CSRNP3: variants seen among roughly 807,000 people sequenced by gnomAD.
CSRNP3 encodes the protein cysteine/serine-rich nuclear protein 3.
Under a neutral mutation model 48.0 loss-of-function variants are expected in CSRNP3, and 12 were observed. The observed-to-expected ratio is 0.25, with a 90% CI of 0.16 to 0.41. The LOEUF (loss-of-function observed/expected upper bound fraction) is 0.41. CSRNP3 is among the 10% of genes least tolerant of loss of function. The pLI is 1.00. For missense variants in CSRNP3, 580 were observed against 724.4 expected, an observed-to-expected ratio of 0.80 and a Z score of 2.29; for synonymous variants, 263 against 269.7, an observed-to-expected ratio of 0.98 and a Z score of 0.24.
chr2:165,549,877 T>A (rs1685076180), intron 3 of CSRNP3, among the ~76,000 whole-genome samples: 1 of 152,188 alleles, frequency 6.6e-6, no homozygotes, highest in African/African-American at 2.4e-5. Flanking sequence ...ATCATCAAAA[T>A]GACCTTGAGA....
intron 1 of CSRNP3, among the ~76,000 whole-genome samples, chr2:165,481,460 G>A (rs1220307469): frequency 1.3e-5 from 2 of 152,212 alleles, no homozygotes; most frequent in South Asian, 2.1e-4. Flanking sequence ...GGGAGGCAAC[G>A]TGCCCTGACA....
chr2:165,634,828 A>C (rs1342227504), intron 4 of CSRNP3, among the ~76,000 whole-genome samples: 1 of 152,242 alleles, frequency 6.6e-6, no homozygotes, highest in African/African-American at 2.4e-5. Context: ...GAGGAAAGTC[A>C]TTCTCACACT....
At chr2:165,664,985 G>A (rs1280878738) in intron 5 of CSRNP3, among the ~76,000 whole-genome samples, 1 of 152,178 alleles carries the variant, frequency 6.6e-6, no homozygotes, top group Non-Finnish European at 1.5e-5. Context: ...GCTAGACATG[G>A]CCTGTAGAGA....
chr2:165,658,662 G>A (rs898881532), intron 5 of CSRNP3, among the ~76,000 whole-genome samples: 2 of 152,140 alleles, frequency 1.3e-5, no homozygotes, highest in African/African-American at 4.8e-5. Flanking sequence ...CATATGGCTG[G>A]AGAGGCCTCA....
intron 4 of CSRNP3, among the ~76,000 whole-genome samples, chr2:165,623,674 A>C (rs2105320237): frequency 6.6e-6 from 1 of 152,326 alleles, no homozygotes; most frequent in African/African-American, 2.4e-5. Flanking sequence ...CTTTTGTGCT[A>C]TATTTACATA....
intron 2 of CSRNP3, among the ~76,000 whole-genome samples, chr2:165,500,141 G>A (rs1261202685): frequency 3.3e-5 from 5 of 151,212 alleles, no homozygotes; most frequent in Non-Finnish European, 7.4e-5. Context: ...GCTAGATAGA[G>A]TGCTAAAAGC....
intron 3 of CSRNP3, among the ~76,000 whole-genome samples, chr2:165,590,629 T>A (rs766321697): frequency 5.3e-5 from 8 of 152,212 alleles, no homozygotes; most frequent in Non-Finnish European, 1.2e-4. Context: ...TGGAGGCCGT[T>A]ACCTTCATGC....
chr2:165,523,687 C>A (rs1042511428), intron 3 of CSRNP3, among the ~76,000 whole-genome samples: 2 of 152,160 alleles, frequency 1.3e-5, no homozygotes, highest in African/African-American at 4.8e-5. Flanking sequence ...GCTCTTCTGT[C>A]TCTATTCTTC....
rs549437478 is a variant in CSRNP3 at position 165,688,769 on chromosome 2, G to A, written c.*9016G>A. 1.3e-5 allele frequency: 2 copies of A among 151,398 alleles called. No homozygotes were observed. Among genetic ancestry groups the A allele is most frequent in the African/African-American group, 4.8e-5 (2 of 41,256 alleles). 9.4% of individuals were successfully genotyped at this position (151,398 alleles called of 1,614,324 possible). The stretch of plus-strand genomic sequence containing the variant: ...CAAGGGAAGTCTTTTGAGAATATTT[G>A]TTCTCTTATTTTTTGTTTGTTTGTT... On this transcript the variant is annotated 3_prime_UTR_variant, in exon 7 of 7. Transcript: ENST00000651982.
intron 4 of CSRNP3, among the ~76,000 whole-genome samples, chr2:165,611,099 A>G (rs575993814): frequency 2.0e-4 from 31 of 152,292 alleles, no homozygotes; most frequent in Admixed American, 1.3e-3. Flanking sequence ...CCTGATGCTT[A>G]AAAGTTGAAG....
At chr2:165,493,479 G>A (rs1684246362) in intron 1 of CSRNP3, among the ~76,000 whole-genome samples, 1 of 152,054 alleles carries the variant, frequency 6.6e-6, no homozygotes, top group Non-Finnish European at 1.5e-5. Context: ...CCAATCTTGG[G>A]CTATCTTGTA....
chr2:165,595,344 CA>C, intron 4 of CSRNP3, 131 bp downstream of exon 4: 1 of 829,176 alleles, frequency 1.2e-6, no homozygotes, highest in Non-Finnish European at 1.9e-6. Flanking sequence ...AACACTTACC[CA>C]AAAATGAAAT....
intron 4 of CSRNP3, among the ~76,000 whole-genome samples, chr2:165,618,309 T>G (rs574020535): frequency 2.0e-5 from 3 of 152,310 alleles, no homozygotes; most frequent in African/African-American, 7.2e-5. Flanking sequence ...ATCTCAAGTT[T>G]CTGTACTTCA....
At chr2:165,584,295 C>T (rs1450200636) in intron 3 of CSRNP3, among the ~76,000 whole-genome samples, 1 of 152,124 alleles carries the variant, frequency 6.6e-6, no homozygotes, top group African/African-American at 2.4e-5. Context: ...CAGCAAGTCC[C>T]AGCCTCATTT....
At chr2:165,604,658 C>A (rs750385186) in intron 4 of CSRNP3, among the ~76,000 whole-genome samples, 27 of 152,182 alleles carry the variant, frequency 1.8e-4, no homozygotes, top group Non-Finnish European at 3.5e-4. Flanking sequence ...CAGGCAGAAA[C>A]ATCACTGTTT....
chr2:165,599,283 G>GAAAGAAAGAAAGAAAGAAAGAA (rs1553478329), intron 4 of CSRNP3, among the ~76,000 whole-genome samples: 31 of 104,832 alleles, frequency 3.0e-4, no homozygotes, highest in African/African-American at 9.8e-4. Flanking sequence ...AAGAGAGAGA[G>GAAAGAAAGAAAGAAAGAAAGAA]AGAAAGAAAG....
chr2:165,534,918 GCAAGTATATATAA>G (rs1423640379), intron 3 of CSRNP3, among the ~76,000 whole-genome samples: 1 of 151,626 alleles, frequency 6.6e-6, no homozygotes, highest in Non-Finnish European at 1.5e-5. Flanking sequence ...AATTATTAAA[GCAAGTATATATAA>G]CACATAATAA....
Position 165,685,732 on chromosome 2 carries a change from A to G in CSRNP3, c.*5979A>G, listed in dbSNP as rs1475086280. ...TTGGCTTATAATTCAAGAAATGTCA[A>G]CTTCACTGTGTCACTTTATGTCATC... On this transcript the variant is annotated 3_prime_UTR_variant, in exon 7 of 7. Coordinates refer to ENST00000651982, the MANE Select transcript of CSRNP3 (RefSeq NM_001172173.2). 2 of 152,090 alleles carry G rather than the reference A, an allele frequency of 1.3e-5. No homozygotes were observed. Among genetic ancestry groups the G allele is most frequent in the African/African-American group, 4.8e-5 (2 of 41,440 alleles). 9.4% of individuals were successfully genotyped at this position (152,090 alleles called of 1,614,324 possible).
Position 165,582,560 on chromosome 2 carries a change from A to G in CSRNP3, c.-23-12483A>G, listed in dbSNP as rs781283254. On this transcript the variant is annotated intron_variant, in intron 3 of 6. Transcript: ENST00000651982. ...CCGGAAGAAACTGAAGGAGCTGGAA[A>G]GAGCCCTGTCCTAGGAAGTGGGTGA... Among the ~76,000 whole-genome samples the G allele has an allele frequency of 4.3e-4, 65 of 152,212 alleles. 1 individual carries two copies. Among genetic ancestry groups the G allele is most frequent in the Non-Finnish European group, 7.2e-4 (49 of 68,034 alleles).
Sources: gnomAD v4.1 joint callset for allele counts (sites outside exome capture counted in the v4.1 genomes callset) on GRCh38, gnomAD v4.1.1 for gene constraint, MANE v1.5 for transcripts, NCBI Gene and HGNC (gene_info 2026-07-23, HGNC 2026-07-21) for gene names.